The following ATP8A1 variants were observed in gnomAD, a reference collection of about 807,000 sequenced individuals.
ATP8A1 encodes phospholipid-transporting ATPase IA.
ATP8A1 carries 90 observed loss-of-function variants against 177.7 expected under a neutral mutation model. That is an observed-to-expected ratio of 0.51 (90% CI 0.43 to 0.60). The LOEUF (loss-of-function observed/expected upper bound fraction) is 0.60. Among genes scored for constraint, ATP8A1 ranks in the 20% least tolerant of loss-of-function variants. The pLI is 0.00. For missense variants in ATP8A1, 1,072 were observed against 1,392.8 expected, an observed-to-expected ratio of 0.77 and a Z score of 3.67; for synonymous variants, 493 against 485.9, an observed-to-expected ratio of 1.01 and a Z score of -0.19.
chr4:42,431,252 C>T (rs973571301), intron 33 of ATP8A1, among the ~76,000 whole-genome samples: 2 of 151,928 alleles, frequency 1.3e-5, no homozygotes, highest in South Asian at 2.1e-4. Flanking sequence ...TATAATAATG[C>T]CTCTATTTTC....
rs139427948 is a variant in ATP8A1 at position 42,654,523 on chromosome 4, C to T, written c.49+2302G>A. Among the ~76,000 whole-genome samples the T allele has an allele frequency of 2.0e-3, 304 of 152,304 alleles. 3 individuals are homozygous for T. The highest frequency in any genetic ancestry group is 7.1e-3 in the African/African-American group (293 of 41,560). Reference sequence around the variant, plus strand: ...TCTCTCAGGATCTGTGTCTGCCCATCCATTCCATTTTCTTTGCTATCTCTC... The same window carrying T: ...TCTCTCAGGATCTGTGTCTGCCCATTCATTCCATTTTCTTTGCTATCTCTC... On this transcript the variant is annotated intron_variant, in intron 1 of 36. Coordinates refer to ENST00000381668, the MANE Select transcript of ATP8A1 (RefSeq NM_006095.2).
chr4:42,437,202 T>C (rs946461917), intron 33 of ATP8A1, among the ~76,000 whole-genome samples: 1 of 152,250 alleles, frequency 6.6e-6, no homozygotes, highest in African/African-American at 2.4e-5. Context: ...GCTTCTGTTA[T>C]TAATCCTGAT....
chr4:42,591,117 A>G (rs1039483053), intron 6 of ATP8A1, among the ~76,000 whole-genome samples: 5 of 152,154 alleles, frequency 3.3e-5, no homozygotes, highest in Non-Finnish European at 7.4e-5. Flanking sequence ...AGCCCAATTT[A>G]AAGTTTTAGT....
intron 22 of ATP8A1, among the ~76,000 whole-genome samples, chr4:42,510,626 A>G (rs1048640736): frequency 3.2e-4 from 48 of 152,296 alleles, no homozygotes; most frequent in African/African-American, 1.1e-3. Flanking sequence ...ACACTGGGGT[A>G]ACTAGATAAT....
chr4:42,423,087 A>G (rs1389514691), intron 34 of ATP8A1, among the ~76,000 whole-genome samples, 188 bp from the exon 35 acceptor site: 1 of 152,170 alleles, frequency 6.6e-6, no homozygotes, highest in Non-Finnish European at 1.5e-5. Context: ...TTAAAAATAA[A>G]TGATGGTTTA....
intron 25 of ATP8A1, among the ~76,000 whole-genome samples, chr4:42,481,394 G>C (rs1721653935): frequency 6.6e-6 from 1 of 152,168 alleles, no homozygotes; most frequent in Non-Finnish European, 1.5e-5. Flanking sequence ...GGGTTCCCTG[G>C]AAGATAGGAA....
At chr4:42,464,840 A>G in intron 26 of ATP8A1, 40 bp from the exon 27 acceptor site, 1 of 1,612,286 alleles carries the variant, frequency 6.2e-7, no homozygotes. Flanking sequence ...TTTCCTTTTC[A>G]AAGCATCAGT....
intron 6 of ATP8A1, 97 bp from the exon 7 acceptor site, chr4:42,590,981 A>C: frequency 9.1e-7 from 1 of 1,101,516 alleles, no homozygotes; most frequent in Non-Finnish European, 1.3e-6. Flanking sequence ...GAAAGTTCGA[A>C]ATTATTATAG....
At chr4:42,632,478 T>C (rs886297640) in intron 1 of ATP8A1, among the ~76,000 whole-genome samples, 24 of 152,318 alleles carry the variant, frequency 1.6e-4, no homozygotes, top group African/African-American at 5.8e-4. Context: ...GGCCAAATTT[T>C]GCATTCTTGG....
intron 22 of ATP8A1, among the ~76,000 whole-genome samples, chr4:42,512,364 T>C (rs1394219670): frequency 6.6e-6 from 1 of 152,220 alleles, no homozygotes; most frequent in Non-Finnish European, 1.5e-5. Context: ...GAGTCACCCG[T>C]CAGGTGTACC....
chr4:42,535,129 A>G (rs1380453216), intron 20 of ATP8A1, among the ~76,000 whole-genome samples: 13 of 152,228 alleles, frequency 8.5e-5, no homozygotes. Context: ...AACAAATAGT[A>G]TGATGAATAG....
At chr4:42,580,129 A>G (rs977546326) in intron 10 of ATP8A1, 151 bp from the exon 11 acceptor site, 4 of 622,906 alleles carry the variant, frequency 6.4e-6, no homozygotes, top group South Asian at 2.4e-5. Flanking sequence ...GACAAATGTA[A>G]TAAGGTGCCA....
intron 22 of ATP8A1, among the ~76,000 whole-genome samples, chr4:42,509,437 G>A (rs1724766870): frequency 6.6e-6 from 1 of 152,230 alleles, no homozygotes; most frequent in Non-Finnish European, 1.5e-5. Flanking sequence ...GGCCATACAG[G>A]ATGGGCACGC....
Position 42,537,156 on chromosome 4 carries a change from C to A in ATP8A1, c.1722+6761G>T, listed in dbSNP as rs552203200. On this transcript the variant is annotated intron_variant, in intron 20 of 36. Transcript: ENST00000381668. ...TCAAAAAAAAAAAAAACAAAAAAAC[C>A]AAAAAAACCCCCACGTGATCATCTC... Among the ~76,000 whole-genome samples, 36 of 149,138 alleles carry A rather than the reference C, an allele frequency of 2.4e-4. 1 individual carries two copies. The South Asian group carries it at 3.7e-3, about 15-fold the overall frequency.
At position 42,592,615 on chromosome 4, in the gene ATP8A1, T is replaced by C. The variant is rs752103542; in HGVS notation, c.451-1731A>G. 1.3e-5 allele frequency among the ~76,000 whole-genome samples: 2 copies of C among 152,110 alleles called. 1 individual carries two copies. ...ACTATCATTTTGAACTTATATACAG[T>C]CACGTGACAATGACAGGTGTAGCTT... On this transcript the variant is annotated intron_variant, in intron 6 of 36. Coordinates refer to ENST00000381668, the MANE Select transcript of ATP8A1 (RefSeq NM_006095.2).
chr4:42,492,082 C>T (rs1219075472), intron 24 of ATP8A1, among the ~76,000 whole-genome samples: 1 of 152,070 alleles, frequency 6.6e-6, no homozygotes, highest in Admixed American at 6.5e-5. Context: ...TGTGCTCTCT[C>T]ATATATGTCC....
intron 27 of ATP8A1, among the ~76,000 whole-genome samples, chr4:42,459,161 C>G (rs1047423427): frequency 6.6e-6 from 1 of 152,186 alleles, no homozygotes. Context: ...AAGTTTAGAA[C>G]TCACTTCCTT....
At chr4:42,487,752 G>T (rs1722340571) in intron 24 of ATP8A1, among the ~76,000 whole-genome samples, 1 of 152,064 alleles carries the variant, frequency 6.6e-6, no homozygotes, top group African/African-American at 2.4e-5. Context: ...TGCAAATGCG[G>T]TTCACACTAT....
chr4:42,414,526 T>A (rs1713000619), intron 36 of ATP8A1, 101 bp downstream of exon 36: 1 of 1,035,012 alleles, frequency 9.7e-7, no homozygotes, highest in Non-Finnish European at 1.5e-6. Context: ...ATTTTAGACA[T>A]TAGTTTTAAA....
Sources: gnomAD v4.1 joint callset for allele counts (sites outside exome capture counted in the v4.1 genomes callset) on GRCh38, gnomAD v4.1.1 for gene constraint, MANE v1.5 for transcripts, NCBI Gene and HGNC (gene_info 2026-07-23, HGNC 2026-07-21) for gene names.